The following ABAT variants were observed in gnomAD, a reference collection of about 807,000 sequenced individuals.
The protein encoded by ABAT is 4-aminobutyrate aminotransferase.
ABAT carries 45 observed loss-of-function variants against 64.6 expected under a neutral mutation model. That is an observed-to-expected ratio of 0.70 (90% CI 0.55 to 0.89). The LOEUF is 0.89. Ranked by LOEUF, ABAT falls within the 40% of genes least tolerant of loss-of-function variation. The probability of loss-of-function intolerance (pLI) is 0.00; values close to 1 mark genes in which losing one functional copy is unlikely to be tolerated. For missense variants in ABAT, 633 were observed against 658.4 expected (o/e 0.96, Z 0.42); for synonymous variants, 297 against 250.5 (o/e 1.19, Z -1.75).
intron 5 of ABAT, among the ~76,000 whole-genome samples, chr16:8,751,058 C>T (rs2059466831): frequency 6.7e-6 from 1 of 149,462 alleles, no homozygotes; most frequent in South Asian, 2.1e-4. Context: ...AAGTGATTCT[C>T]ATGCCTCAGC....
chr16:8,733,785 C>A (rs571719660), intron 1 of ABAT, among the ~76,000 whole-genome samples: 1 of 148,036 alleles, frequency 6.8e-6, no homozygotes, highest in African/African-American at 2.7e-5. Context: ...AGTCCAGCTT[C>A]GGCTCAGCAT....
intron 2 of ABAT, among the ~76,000 whole-genome samples, chr16:8,738,211 C>G (rs1197285396): frequency 6.6e-6 from 1 of 151,740 alleles, no homozygotes; most frequent in Non-Finnish European, 1.5e-5. Context: ...GTCTCAGCTA[C>G]TGGGGAGGCT....
In ABAT at chr16:8,735,790, C is replaced by T. The variant is rs1408239336; in HGVS notation, c.51C>T (p.Ser17=). 1 of 1,606,194 alleles carries T rather than the reference C, an allele frequency of 6.2e-7. No homozygotes were observed. Among genetic ancestry groups the T allele is most frequent in the Non-Finnish European group, 8.5e-7 (1 of 1,176,632 alleles). ...AQRLACSFQH[S]YRLLVPGSRH... ...GCCTGGCCTGCAGCTTCCAGCACAG[C>T]TACCGCCTGCTGGTGCCTGGTAAGC... The change falls in exon 2 of 16, where the codon AGC becomes AGT. Residue 17 remains serine, a synonymous_variant. Coordinates refer to ENST00000268251, the MANE Select transcript of ABAT (RefSeq NM_020686.6).
chr16:8,703,441 C>G (rs2057871044), intron 1 of ABAT, among the ~76,000 whole-genome samples: 1 of 151,166 alleles, frequency 6.6e-6, no homozygotes, highest in Non-Finnish European at 1.5e-5. Context: ...GGGTGACAGA[C>G]AGAGTGAGAC....
Position 8,737,960 on chromosome 16 carries a change from G to A in ABAT, c.70+2151G>A, listed in dbSNP as rs2059007625. On this transcript the variant is annotated intron_variant, in intron 2 of 15. Transcript: ENST00000268251. ...GAAAGGAAAGGAAGAAAGGAAGGAA[G>A]GAAGGAAGGAAGGAAGGAAGGAAGG... Among the ~76,000 whole-genome samples, 2 of 30,646 alleles carry A rather than the reference G, an allele frequency of 6.5e-5. 1 individual carries two copies. Among genetic ancestry groups the A allele is most frequent in the Non-Finnish European group, 1.3e-4 (2 of 15,602 alleles). The allele number at this position is 30,646 out of a possible 152,430, so 20.1% of individuals were successfully genotyped here.
intron 1 of ABAT, among the ~76,000 whole-genome samples, chr16:8,726,350 T>A (rs2058555994): frequency 6.9e-6 from 1 of 145,772 alleles, no homozygotes; most frequent in South Asian, 2.2e-4. Flanking sequence ...AACCTCTGCC[T>A]CCCGGGTTCA....
At chr16:8,755,321 G>A (rs1203159977) in intron 5 of ABAT, among the ~76,000 whole-genome samples, 4 of 152,136 alleles carry the variant, frequency 2.6e-5, no homozygotes, top group Admixed American at 2.0e-4. Flanking sequence ...ATGGACAGGG[G>A]ACTCTGTGTA....
At chr16:8,722,030 A>T (rs1015961203) in intron 1 of ABAT, among the ~76,000 whole-genome samples, 1 of 152,128 alleles carries the variant, frequency 6.6e-6, no homozygotes, top group African/African-American at 2.4e-5. Context: ...GACAATTCCT[A>T]TTCTGTTTGA....
At chr16:8,775,636 C>A (rs1249504347) in intron 13 of ABAT, among the ~76,000 whole-genome samples, 1 of 152,158 alleles carries the variant, frequency 6.6e-6, no homozygotes, top group Admixed American at 6.5e-5. Flanking sequence ...TTTCTACCCT[C>A]AAGGTTGCCT....
chr16:8,760,769 A>G (rs1425541130), intron 6 of ABAT, among the ~76,000 whole-genome samples: 1 of 152,212 alleles, frequency 6.6e-6, no homozygotes, highest in Non-Finnish European at 1.5e-5. Flanking sequence ...TCAACAACAC[A>G]CGACGTCAAG....
intron 5 of ABAT, among the ~76,000 whole-genome samples, chr16:8,755,288 C>T (rs927973392): frequency 6.6e-6 from 1 of 152,126 alleles, no homozygotes; most frequent in African/African-American, 2.4e-5. Context: ...CAAAGTGTCC[C>T]GGGCCTGTGG....
intron 2 of ABAT, among the ~76,000 whole-genome samples, chr16:8,741,317 A>C (rs755903901): frequency 6.6e-6 from 1 of 152,202 alleles, no homozygotes; most frequent in African/African-American, 2.4e-5. Context: ...CAAATGTTTC[A>C]TTCAAAGGCT....
chr16:8,768,027 C>T (rs954791085), intron 9 of ABAT, among the ~76,000 whole-genome samples, 166 bp from the exon 10 acceptor site: 15 of 151,942 alleles, frequency 9.9e-5, no homozygotes, highest in African/African-American at 3.6e-4. Flanking sequence ...GCAAATAAAA[C>T]GTGTGTCTTG....
intron 1 of ABAT, among the ~76,000 whole-genome samples, chr16:8,725,487 A>G (rs1271968344): frequency 6.6e-6 from 1 of 152,236 alleles, no homozygotes; most frequent in Non-Finnish European, 1.5e-5. Context: ...TTACCTCTGC[A>G]TTCATTCATA....
chr16:8,731,885 G>C (rs972275499), intron 1 of ABAT, among the ~76,000 whole-genome samples: 1 of 151,400 alleles, frequency 6.6e-6, no homozygotes, highest in African/African-American at 2.4e-5. Flanking sequence ...ACAGAGTCTC[G>C]CCCTGTCGCC....
intron 14 of ABAT, among the ~76,000 whole-genome samples, chr16:8,777,118 C>T (rs993274796): frequency 6.6e-6 from 1 of 152,128 alleles, no homozygotes; most frequent in African/African-American, 2.4e-5. Flanking sequence ...CCAGGCTGGT[C>T]TCGAACCCCC....
intron 1 of ABAT, among the ~76,000 whole-genome samples, chr16:8,691,816 A>T (rs556228856): frequency 6.6e-6 from 1 of 152,192 alleles, no homozygotes; most frequent in African/African-American, 2.4e-5. Context: ...TGCTACTGGC[A>T]TCTGGTGGGC....
intron 4 of ABAT, among the ~76,000 whole-genome samples, chr16:8,748,623 G>A (rs2142687651): frequency 6.6e-6 from 1 of 152,230 alleles, no homozygotes; most frequent in East Asian, 1.9e-4. Flanking sequence ...CCATTATGGA[G>A]TGCCAGATGT....
intron 11 of ABAT, among the ~76,000 whole-genome samples, chr16:8,771,660 G>T (rs1334414806): frequency 6.6e-6 from 1 of 151,776 alleles, no homozygotes; most frequent in East Asian, 1.9e-4. Context: ...GTAGAGATGG[G>T]GTTTCACCAT....
Sources: gnomAD v4.1 joint callset for allele counts (sites outside exome capture counted in the v4.1 genomes callset) on GRCh38, gnomAD v4.1.1 for gene constraint, MANE v1.5 for transcripts, NCBI Gene and HGNC (gene_info 2026-07-23, HGNC 2026-07-21) for gene names.